The following MROH2A variants were observed in gnomAD, a reference collection of about 807,000 sequenced individuals.
MROH2A encodes the protein maestro heat like repeat family member 2A, also known as maestro heat-like repeat-containing protein family member 2A.
Under a neutral mutation model 200.4 loss-of-function variants are expected in MROH2A, and 174 were observed. The ratio of observed to expected loss-of-function variants is 0.87; its 90% confidence interval spans 0.77 to 0.98. MROH2A has a LOEUF of 0.98. Among genes scored for constraint, MROH2A ranks in the 50% least tolerant of loss-of-function variants. The probability of loss-of-function intolerance (pLI) is 0.00; values close to 1 mark genes in which losing one functional copy is unlikely to be tolerated. For synonymous variants in MROH2A, 829 were observed against 840.4 expected (o/e 0.99, Z 0.23); for missense variants, 2,045 against 2,139.6 (o/e 0.96, Z 0.87).
At position 233,809,020 on chromosome 2, in the gene MROH2A, G is replaced by A. The variant is rs566142521; in HGVS notation, c.2296-106G>A. On this transcript the variant is annotated intron_variant, in intron 21 of 41. Coordinates refer to ENST00000389758, the MANE Select transcript of MROH2A (RefSeq NM_001394639.1). Reference sequence around the variant, plus strand: ...CCAGAAAACAGTCAGGTGAAGCACCGCCAGCTGACTCAATGGATCCTTTGG... The same window carrying A: ...CCAGAAAACAGTCAGGTGAAGCACCACCAGCTGACTCAATGGATCCTTTGG... 1.2e-4 allele frequency: 157 copies of A among 1,287,154 alleles called. 1 individual carries two copies. Among genetic ancestry groups the A allele is most frequent in the South Asian group, 1.8e-4 (12 of 66,486 alleles). The allele number at this position is 1,287,154 out of a possible 1,614,324, so 79.7% of individuals were successfully genotyped here.
intron 22 of MROH2A, among the ~76,000 whole-genome samples, chr2:233,809,780 G>GTATATATA (rs10635266): frequency 5.3e-4 from 80 of 151,480 alleles, no homozygotes; most frequent in East Asian, 4.3e-3. Context: ...CCATTTTTAA[G>GTATATATA]TATATATATA....
rs760510002 is a variant in MROH2A at position 233,792,754 on chromosome 2, C to G, written c.572-42C>G. 22 of 1,317,826 alleles carry G rather than the reference C, an allele frequency of 1.7e-5. 1 individual carries two copies. In the African/African-American group the frequency reaches 3.1e-4, roughly 19 times the overall value. The allele number at this position is 1,317,826 out of a possible 1,614,324, so 81.6% of individuals were successfully genotyped here. On this transcript the variant is annotated intron_variant, in intron 5 of 41. Transcript: ENST00000389758. ...CCTCTCTGCCTTCTCTCTGCTCACC[C>G]CCAGCCCCAACTTCCTGTAATCATC...
chr2:233,784,352 A>G (rs1378131283), intron 3 of MROH2A, among the ~76,000 whole-genome samples: 2 of 152,076 alleles, frequency 1.3e-5, no homozygotes, highest in African/African-American at 4.8e-5. Context: ...TATTTTCCAA[A>G]GTTTTTTTGT....
At chr2:233,806,717 C>T (rs1702813795) in intron 19 of MROH2A, among the ~76,000 whole-genome samples, 1 of 152,020 alleles carries the variant, frequency 6.6e-6, no homozygotes, top group Non-Finnish European at 1.5e-5. Flanking sequence ...CTTACCCCTC[C>T]CCCTTTAACA....
chr2:233,807,345 G>C lies in MROH2A; in HGVS notation c.2053-78G>C. On this transcript the variant is annotated intron_variant, in intron 19 of 41. Coordinates refer to ENST00000389758, the MANE Select transcript of MROH2A (RefSeq NM_001394639.1). The surrounding 1 kb of genome is among the most constrained non-coding windows in gnomAD (Gnocchi z 4.3). ...ATTAAAATAAATTGAAAAATACGTA[G>C]AAAACTCTCTACAACAGCACCCCCT... The C allele has an allele frequency of 7.1e-7, 1 of 1,406,706 alleles. No homozygotes were observed. Among genetic ancestry groups the C allele is most frequent in the Non-Finnish European group, 9.5e-7 (1 of 1,054,462 alleles). 87.1% of individuals were successfully genotyped at this position (1,406,706 alleles called of 1,614,324 possible).
In MROH2A at chr2:233,822,160, C is replaced by T. The variant is rs992170158; in HGVS notation, c.3549C>T (p.Asn1183=). The change falls in exon 32 of 42, where the codon AAC becomes AAT. Residue 1183 remains asparagine (N), a synonymous_variant. Coordinates refer to ENST00000389758, the MANE Select transcript of MROH2A (RefSeq NM_001394639.1). ...AGGTGTGGCTGGCAGTGTCGGAGAA[C>T]GTGCCCTTCGCCCGGACCATGCTCC... The part of the protein sequence containing the change: ...LAEVWLAVSE[N]VPFARTMLHS... 9.2e-5 allele frequency: 143 copies of T among 1,549,902 alleles called. No individual in the cohort carries two copies. The highest frequency in any genetic ancestry group is 1.1e-4 in the Non-Finnish European group (122 of 1,146,966).
At chr2:233,832,451 C>T (rs997692512) in intron 40 of MROH2A, 128 bp from the exon 41 acceptor site, 7 of 985,886 alleles carry the variant, frequency 7.1e-6, no homozygotes, top group Non-Finnish European at 1.1e-5. Context: ...TTGGCTTCCT[C>T]CCTGCCAACG....
At position 233,794,448 on chromosome 2, in the gene MROH2A, A is replaced by G. The variant is rs781111015; in HGVS notation, c.908A>G (p.Tyr303Cys). The G allele has an allele frequency of 9.7e-5, 151 of 1,550,474 alleles. 1 individual carries two copies. The East Asian group carries it at 3.1e-3, about 31-fold the overall frequency. The stretch of plus-strand genomic sequence containing the variant: ...GACCTGCGGGAGCAGGTCTACGACT[A>G]CATCCCCCTGCTGCTGGCGGAGTAC... ...NDDLREQVYD[Y>C]IPLLLAEYQG... is the part of the protein sequence containing the mutation. Residue 303 changes from tyrosine to cysteine, a missense_variant, in exon 8 of 42, where the codon TAC becomes TGC. Tyr to Cys is a radical substitution (Grantham distance 194). Transcript: ENST00000389758.
chr2:233,833,197 C>T lies in MROH2A; in HGVS notation c.4963C>T (p.Leu1655Phe), dbSNP rs1704905237. The change falls in exon 42 of 42, where the codon CTC becomes TTC. Residue 1655 changes from leucine (L) to phenylalanine (F), a missense_variant. Transcript: ENST00000389758. ...GGTCAGGAGGGCAGCCCTGGAGACGCTCACAGTCTTGGATAGCTGTAGTCA... is the reference window on the plus strand; with the variant it reads ...GGTCAGGAGGGCAGCCCTGGAGACGTTCACAGTCTTGGATAGCTGTAGTCA... ...PGVRRAALET[L>F]TVLDSCSQHG... The T allele has an allele frequency of 6.4e-7, 1 of 1,550,416 alleles. No homozygotes were observed. Among genetic ancestry groups the T allele is most frequent in the African/African-American group, 1.4e-5 (1 of 73,054 alleles).
rs1703848124 is a variant in MROH2A at position 233,820,259 on chromosome 2, C to CCAGCCTCCGACGAGCCACTGACAGA, written c.3512+203_3512+204insCAGCCTCCGACGAGCCACTGACAGA. ...GACAGAGCCCAGGCTTGTAGAACTT[C>CCAGCCTCCGACGAGCCACTGACAGA]GCCACATGGAGCTGGAATCTGGACC... On this transcript the variant is annotated intron_variant, in intron 31 of 41. Coordinates refer to ENST00000389758, the MANE Select transcript of MROH2A (RefSeq NM_001394639.1). This position sits in a 1 kb window ranked among gnomAD's most constrained non-coding sequence, Gnocchi z 4.1. 6.6e-6 allele frequency among the ~76,000 whole-genome samples: 1 copy of CCAGCCTCCGACGAGCCACTGACAGA among 151,912 alleles called. No individual in the cohort carries two copies. The highest frequency in any genetic ancestry group is 2.0e-4 in the East Asian group (1 of 4,960).
At chr2:233,830,431 C>T (rs929224948) in intron 38 of MROH2A, among the ~76,000 whole-genome samples, 1 of 152,178 alleles carries the variant, frequency 6.6e-6, no homozygotes, top group Non-Finnish European at 1.5e-5. Flanking sequence ...TGGGGAGGTT[C>T]TGCCCCCGCC....
rs568976420 is a variant in MROH2A at position 233,820,558 on chromosome 2, G to A, written c.3512+502G>A. On this transcript the variant is annotated intron_variant, in intron 31 of 41. Coordinates refer to ENST00000389758, the MANE Select transcript of MROH2A (RefSeq NM_001394639.1). This position sits in a 1 kb window ranked among gnomAD's most constrained non-coding sequence, Gnocchi z 4.1. The stretch of plus-strand genomic sequence containing the variant: ...ATGCAGAGCCACCCCATCTTTATTG[G>A]TGTTTCTCTGCAGACAGTGCAGAGC... 1.3e-5 allele frequency among the ~76,000 whole-genome samples: 2 copies of A among 152,262 alleles called. No individual in the cohort carries two copies. Among genetic ancestry groups the A allele is most frequent in the South Asian group, 4.1e-4 (2 of 4,824 alleles).
At chr2:233,800,409 G>A (rs766773249) in intron 14 of MROH2A, 94 bp downstream of exon 14, 58 of 754,134 alleles carry the variant, frequency 7.7e-5, no homozygotes, top group African/African-American at 1.4e-4. Flanking sequence ...TGCTTCTTCC[G>A]TTCCTGCTGT....
chr2:233,820,237 A>G lies in MROH2A; in HGVS notation c.3512+181A>G, dbSNP rs1703846868. Among the ~76,000 whole-genome samples the G allele has an allele frequency of 6.6e-6, 1 of 152,184 alleles. No individual in the cohort carries two copies. The highest frequency in any genetic ancestry group is 2.4e-5 in the African/African-American group (1 of 41,444). ...TGCCAGCCTCCGACGAGCCACTGAC[A>G]GAGCCCAGGCTTGTAGAACTTCGCC... On this transcript the variant is annotated intron_variant, in intron 31 of 41. Coordinates refer to ENST00000389758, the MANE Select transcript of MROH2A (RefSeq NM_001394639.1). The surrounding 1 kb of genome is among the most constrained non-coding windows in gnomAD (Gnocchi z 4.1).
intron 18 of MROH2A, 142 bp from the exon 19 acceptor site, chr2:233,804,862 G>A: frequency 1.7e-6 from 1 of 605,522 alleles, no homozygotes; most frequent in Non-Finnish European, 2.9e-6. Flanking sequence ...AGGGATCTAT[G>A]GACTTAGTGA....
At position 233,833,417 on chromosome 2, in the gene MROH2A, G is replaced by A. The variant is rs1166055381; in HGVS notation, c.*158G>A. 2 of 832,498 alleles carry A rather than the reference G, an allele frequency of 2.4e-6. No homozygotes were observed. Among genetic ancestry groups the A allele is most frequent in the Non-Finnish European group, 3.5e-6 (2 of 578,220 alleles). 51.6% of individuals were successfully genotyped at this position (832,498 alleles called of 1,614,324 possible). A position where few individuals can be genotyped will look rare whatever the true frequency, so the allele number is the denominator to read the frequency against. Reference sequence around the variant, plus strand: ...TTGAAATAAACCTCCACTGTCGTTGGAGTAGACTTGTGACTGTAAGGTGGT... The same window carrying A: ...TTGAAATAAACCTCCACTGTCGTTGAAGTAGACTTGTGACTGTAAGGTGGT... On this transcript the variant is annotated 3_prime_UTR_variant, in exon 42 of 42. Coordinates refer to ENST00000389758, the MANE Select transcript of MROH2A (RefSeq NM_001394639.1).
At position 233,833,183 on chromosome 2, in the gene MROH2A, C is replaced by A; in HGVS notation, c.4949C>A (p.Ala1650Glu). The A allele has an allele frequency of 6.5e-7, 1 of 1,550,138 alleles. No individual in the cohort carries two copies. The highest frequency in any genetic ancestry group is 8.7e-7 in the Non-Finnish European group (1 of 1,146,872). The change falls in exon 42 of 42, where the codon GCA (alanine) becomes GAA (glutamate). Residue 1650 changes from alanine to glutamate, a missense_variant. Ala to Glu is a moderately radical substitution (Grantham distance 107). Coordinates refer to ENST00000389758, the MANE Select transcript of MROH2A (RefSeq NM_001394639.1). ...GACCCGGATCCCGGGGTCAGGAGGGCAGCCCTGGAGACGCTCACAGTCTTG... is the reference window on the plus strand; with the variant it reads ...GACCCGGATCCCGGGGTCAGGAGGGAAGCCCTGGAGACGCTCACAGTCTTG... ...QLDPDPGVRR[A>E]ALETLTVLDS...
chr2:233,830,472 A>C (rs1704651231), intron 38 of MROH2A, among the ~76,000 whole-genome samples: 1 of 152,186 alleles, frequency 6.6e-6, no homozygotes, highest in Non-Finnish European at 1.5e-5. Context: ...CTGGCCTAAC[A>C]TGAAAGAAAT....
chr2:233,823,541 G>A lies in MROH2A; in HGVS notation c.4005-15G>A, dbSNP rs563558382. 1.4e-5 allele frequency: 22 copies of A among 1,548,610 alleles called. No homozygotes were observed. The African/African-American group carries it at 1.6e-4, about 12-fold the overall frequency. On this transcript the variant is annotated splice_polypyrimidine_tract_variant and intron_variant, in intron 34 of 41. Coordinates refer to ENST00000389758, the MANE Select transcript of MROH2A (RefSeq NM_001394639.1). Reference sequence around the variant, plus strand: ...GGGGCCGCCTCCACGACCTGGCACTGTCTCTCCTCTGCAGGCTGTGCATGC... The same window carrying A: ...GGGGCCGCCTCCACGACCTGGCACTATCTCTCCTCTGCAGGCTGTGCATGC...
Sources: gnomAD v4.1 joint callset for allele counts (sites outside exome capture counted in the v4.1 genomes callset) on GRCh38, gnomAD v4.1.1 for gene constraint, Gnocchi (gnomAD v3.1) non-coding constraint, MANE v1.5 for transcripts, NCBI Gene and HGNC (gene_info 2026-07-23, HGNC 2026-07-21) for gene names.